Variants in DNAH14 observed in about 807,000 individuals in gnomAD.
DNAH14 encodes dynein axonemal heavy chain 14.
Under a neutral mutation model 520.9 loss-of-function variants are expected in DNAH14, and 478 were observed. The observed-to-expected ratio is 0.92, with a 90% CI of 0.85 to 0.99. DNAH14 has a LOEUF of 0.99. Among genes scored for constraint, DNAH14 ranks in the 50% least tolerant of loss-of-function variants. The pLI is 0.00. For synonymous variants in DNAH14, 1,581 were observed against 1,757.2 expected, an observed-to-expected ratio of 0.90 and a Z score of 2.51; for missense variants, 4,831 against 5,234.5, an observed-to-expected ratio of 0.92 and a Z score of 2.38.
intron 53 of DNAH14, among the ~76,000 whole-genome samples, chr1:225,276,986 G>GAA (rs1482444855): frequency 0.048 from 1,327 of 27,826 alleles, 20 homozygotes; most frequent in East Asian, 0.076. Context: ...AGGAAGGAAG[G>GAA]GAGGGAGGAA....
At chr1:225,282,023 T>C (rs889957341) in intron 54 of DNAH14, among the ~76,000 whole-genome samples, 1 of 152,162 alleles carries the variant, frequency 6.6e-6, no homozygotes, top group East Asian at 1.9e-4. Flanking sequence ...AGTAGTGTGA[T>C]TGTGATGATC....
At chr1:225,387,818 G>A (rs1008085291) in intron 81 of DNAH14, among the ~76,000 whole-genome samples, 2 of 152,128 alleles carry the variant, frequency 1.3e-5, no homozygotes, top group African/African-American at 4.8e-5. Flanking sequence ...GGGCTGCAAG[G>A]GTCTCCTCCT....
chr1:225,382,521 C>G (rs1349444938), intron 81 of DNAH14, among the ~76,000 whole-genome samples: 1 of 151,998 alleles, frequency 6.6e-6, no homozygotes, highest in Non-Finnish European at 1.5e-5. Context: ...GCCTGGCAAA[C>G]ATGGTGAAAC....
chr1:225,211,748 G>T (rs977829051), intron 41 of DNAH14, among the ~76,000 whole-genome samples: 2 of 152,176 alleles, frequency 1.3e-5, no homozygotes, highest in Admixed American at 6.5e-5. Flanking sequence ...CAGAGAGAAA[G>T]GTTGGGTTAC....
At chr1:225,261,692 T>C (rs1251793219) in intron 46 of DNAH14, among the ~76,000 whole-genome samples, 1 of 152,090 alleles carries the variant, frequency 6.6e-6, no homozygotes, top group African/African-American at 2.4e-5. Flanking sequence ...CTTCAATGTT[T>C]TGGAAGAGTT....
chr1:225,336,011 G>A (rs1220174777), intron 66 of DNAH14, among the ~76,000 whole-genome samples: 20 of 78,170 alleles, frequency 2.6e-4, no homozygotes, highest in Admixed American at 7.1e-4. Context: ...ATATGTATAC[G>A]CATATATGCA....
At chr1:225,366,989 T>G (rs1186020555) in intron 76 of DNAH14, among the ~76,000 whole-genome samples, 1 of 137,224 alleles carries the variant, frequency 7.3e-6, no homozygotes, top group Non-Finnish European at 1.6e-5. Context: ...TGATCCCTGA[T>G]CCAAAAGTCT....
intron 36 of DNAH14, among the ~76,000 whole-genome samples, chr1:225,169,956 G>A (rs2082430567): frequency 6.6e-6 from 1 of 152,180 alleles, no homozygotes; most frequent in Non-Finnish European, 1.5e-5. Context: ...GAGAGTGGGG[G>A]CTAATATTCA....
intron 81 of DNAH14, among the ~76,000 whole-genome samples, chr1:225,387,490 T>C (rs1394890372): frequency 1.3e-5 from 2 of 152,038 alleles, no homozygotes; most frequent in Admixed American, 6.6e-5. Context: ...GGATTAAATC[T>C]GGGAGAGGGA....
At chr1:225,393,085 G>A (rs1007935267) in intron 84 of DNAH14, among the ~76,000 whole-genome samples, 1 of 152,228 alleles carries the variant, frequency 6.6e-6, no homozygotes, top group African/African-American at 2.4e-5. Context: ...TGCTGGGGAG[G>A]AAGGGGAGAC....
At position 225,364,704 on chromosome 1, in the gene DNAH14, C is replaced by T. The variant is rs1256697281; in HGVS notation, c.11988-88C>T. 42 of 898,236 alleles carry T rather than the reference C, an allele frequency of 4.7e-5. No homozygotes were observed. The East Asian group carries it at 1.2e-3, about 25-fold the overall frequency. 55.6% of individuals were successfully genotyped at this position (898,236 alleles called of 1,614,324 possible). On this transcript the variant is annotated intron_variant, in intron 75 of 85. Coordinates refer to ENST00000682510, the MANE Select transcript of DNAH14 (RefSeq NM_001367479.1). The stretch of plus-strand genomic sequence containing the variant: ...TCAGTATTAAAATGATTCGTAAGGC[C>T]ACTTCAAACAGTGAAATGCTATGAT...
intron 36 of DNAH14, among the ~76,000 whole-genome samples, chr1:225,175,842 T>C (rs924866747): frequency 1.3e-5 from 2 of 151,914 alleles, no homozygotes; most frequent in Non-Finnish European, 2.9e-5. Flanking sequence ...GCACAAGCTC[T>C]GCACCTCCAG....
chr1:225,367,699 A>G (rs2095570900), intron 76 of DNAH14, 106 bp from the exon 77 acceptor site: 1 of 760,318 alleles, frequency 1.3e-6, no homozygotes, highest in South Asian at 1.9e-5. Flanking sequence ...GAAAATAGTT[A>G]CATTCTTGCC....
intron 21 of DNAH14, among the ~76,000 whole-genome samples, chr1:225,094,975 C>T (rs555326343): frequency 4.9e-4 from 74 of 152,100 alleles, no homozygotes; most frequent in African/African-American, 1.8e-3. Context: ...AAGATACCAC[C>T]TCACACCAGT....
At chr1:225,358,729 T>G (rs960181195) in intron 74 of DNAH14, 77 bp downstream of exon 74, 3 of 1,384,212 alleles carry the variant, frequency 2.2e-6, no homozygotes, top group Non-Finnish European at 2.9e-6. Flanking sequence ...CCTTGAATTG[T>G]AATCCCCATA....
chr1:225,335,800 T>TATATGTACATATATGTACATACAC lies in DNAH14; in HGVS notation c.10081-1413_10081-1390dup, dbSNP rs759297945. Among the ~76,000 whole-genome samples, 67 of 111,766 alleles carry TATATGTACATATATGTACATACAC rather than the reference T, an allele frequency of 6.0e-4. 11 individuals are homozygous for TATATGTACATATATGTACATACAC. The highest frequency in any genetic ancestry group is 1.7e-3 in the Admixed American group (16 of 9,440). The allele number at this position is 111,766 out of a possible 152,430, so 73.3% of individuals were successfully genotyped here. ...GCATATATTCATAAGTACATCTATGTATATGTACATATATGTACATACACA... is the reference window on the plus strand; with the variant it reads ...GCATATATTCATAAGTACATCTATGTATATGTACATATATGTACATACACATATGTACATATATGTACATACACA... On this transcript the variant is annotated intron_variant, in intron 66 of 85. Coordinates refer to ENST00000682510, the MANE Select transcript of DNAH14 (RefSeq NM_001367479.1).
intron 81 of DNAH14, among the ~76,000 whole-genome samples, chr1:225,387,973 G>A (rs1011055118): frequency 1.3e-5 from 2 of 152,250 alleles, no homozygotes; most frequent in East Asian, 1.9e-4. Flanking sequence ...AGAACTGGAA[G>A]GCAAAGGTAG....
At chr1:225,396,710 T>A (rs978591676) in intron 84 of DNAH14, 1 of 152,330 alleles carries the variant, frequency 6.6e-6, no homozygotes, top group South Asian at 2.1e-4. Context: ...TTCCACTGAG[T>A]TGAAGTAAGA....
intron 34 of DNAH14, 73 bp downstream of exon 34, chr1:225,153,899 G>C (rs904542445): frequency 8.6e-7 from 1 of 1,168,588 alleles, no homozygotes; most frequent in Admixed American, 2.3e-5. Context: ...AGAATTACGG[G>C]TGATGATGCC....
Sources: gnomAD v4.1 joint callset for allele counts (sites outside exome capture counted in the v4.1 genomes callset) on GRCh38, gnomAD v4.1.1 for gene constraint, MANE v1.5 for transcripts, NCBI Gene and HGNC (gene_info 2026-07-23, HGNC 2026-07-21) for gene names.